The following VPS4B variants were observed in gnomAD, a reference collection of about 807,000 sequenced individuals.
VPS4B encodes the protein vacuolar protein sorting 4 homolog B, also known as vacuolar protein sorting-associated protein 4B.
VPS4B carries 23 observed loss-of-function variants against 56.1 expected under a neutral mutation model. The ratio of observed to expected loss-of-function variants is 0.41; its 90% CI spans 0.30 to 0.58. The LOEUF (loss-of-function observed/expected upper bound fraction) is 0.58, where lower values mean the gene tolerates loss of function less well. VPS4B is among the 20% of genes least tolerant of loss of function. VPS4B has a pLI of 0.29. For missense variants in VPS4B, 372 were observed against 531.9 expected, an observed-to-expected ratio of 0.70 and a Z score of 2.96; for synonymous variants, 177 against 186.0, an observed-to-expected ratio of 0.95 and a Z score of 0.39.
At chr18:63,405,879 A>C (rs1450315038) in intron 4 of VPS4B, among the ~76,000 whole-genome samples, 2 of 152,010 alleles carry the variant, frequency 1.3e-5, no homozygotes, top group Non-Finnish European at 2.9e-5. Flanking sequence ...CCAGCTACTC[A>C]GGAGGCTGAG....
chr18:63,392,287 T>G (rs940456292), intron 10 of VPS4B, among the ~76,000 whole-genome samples: 10 of 152,230 alleles, frequency 6.6e-5, no homozygotes, highest in African/African-American at 2.2e-4. Flanking sequence ...AAAGTAAGTC[T>G]TGTAGATTAT....
intron 9 of VPS4B, among the ~76,000 whole-genome samples, chr18:63,394,068 T>G (rs1467848928): frequency 6.6e-6 from 1 of 152,128 alleles, no homozygotes; most frequent in African/African-American, 2.4e-5. Flanking sequence ...GCTTTCTATA[T>G]TTTGAAATTT....
chr18:63,410,678 G>C (rs920960657), intron 2 of VPS4B, among the ~76,000 whole-genome samples: 3 of 151,950 alleles, frequency 2.0e-5, no homozygotes, highest in Admixed American at 6.6e-5. Flanking sequence ...AAGACAGCAG[G>C]GTATATTAAG....
chr18:63,392,443 T>C (rs1176518333), intron 10 of VPS4B, among the ~76,000 whole-genome samples: 3 of 152,176 alleles, frequency 2.0e-5, no homozygotes, highest in African/African-American at 7.2e-5. Flanking sequence ...TTTCTGGTTT[T>C]TGTTTTTGTT....
At chr18:63,398,204 C>CACACATATATATATATATATATATAT (rs1298374245) in intron 8 of VPS4B, among the ~76,000 whole-genome samples, 4 of 112,440 alleles carry the variant, frequency 3.6e-5, no homozygotes, top group African/African-American at 1.3e-4. Context: ...CACACACACA[C>CACACATATATATATATATATATATAT]ATATATATAT....
At position 63,389,925 on chromosome 18, in the gene VPS4B, A is replaced by G. The variant is rs533705079; in HGVS notation, c.*1050T>C. On this transcript the variant is annotated 3_prime_UTR_variant, in exon 11 of 11. Coordinates refer to ENST00000238497, the MANE Select transcript of VPS4B (RefSeq NM_004869.4). Reference sequence around the variant, plus strand: ...ACCTGTTTTGGTCAATCTTGCTAAAAAAGACACTGAAATAGACAATTTTCT... The same window carrying G: ...ACCTGTTTTGGTCAATCTTGCTAAAGAAGACACTGAAATAGACAATTTTCT... 2.0e-5 allele frequency: 3 copies of G among 152,818 alleles called. No homozygotes were observed. The South Asian group carries it at 6.2e-4, about 32-fold the overall frequency. The allele number at this position is 152,818 out of a possible 1,614,324, so 9.5% of individuals were successfully genotyped here.
At position 63,416,124 on chromosome 18, in the gene VPS4B, C is replaced by T. The variant is rs137913862; in HGVS notation, c.28-4546G>A. The T allele has an allele frequency of 2.3e-3, 380 of 163,442 alleles. 2 individuals are homozygous for T. Among genetic ancestry groups the T allele is most frequent in the African/African-American group, 8.1e-3 (339 of 41,992 alleles). The allele number at this position is 163,442 out of a possible 1,614,324, so 10.1% of individuals were successfully genotyped here. A position where few individuals can be genotyped will look rare whatever the true frequency, so the allele number is the denominator to read the frequency against. On this transcript the variant is annotated intron_variant, in intron 1 of 10. Transcript: ENST00000238497. ...GCAGTGTGTCGCTATCATTTCTTAG[C>T]GCCCCCCTGGCAATTGGGTCTCATG...
intron 10 of VPS4B, among the ~76,000 whole-genome samples, chr18:63,392,851 C>T (rs946960302): frequency 1.3e-5 from 2 of 151,784 alleles, no homozygotes; most frequent in South Asian, 2.1e-4. Flanking sequence ...CCCTGGTTCA[C>T]GTGATTCTCC....
Position 63,390,105 on chromosome 18 carries a change from A to T in VPS4B, c.*870T>A, listed in dbSNP as rs544319475. The T allele has an allele frequency of 6.6e-6, 1 of 152,486 alleles. No homozygotes were observed. The highest frequency in any genetic ancestry group is 2.1e-4 in the South Asian group (1 of 4,828). The allele number at this position is 152,486 out of a possible 1,614,324, so 9.4% of individuals were successfully genotyped here. Reference sequence around the variant, plus strand: ...GCCCAGGCTGGAGTGCAATGGCGCTATCTCGGCGCCCAGGCTGGAATGCAG... The same window carrying T: ...GCCCAGGCTGGAGTGCAATGGCGCTTTCTCGGCGCCCAGGCTGGAATGCAG... On this transcript the variant is annotated 3_prime_UTR_variant, in exon 11 of 11. Coordinates refer to ENST00000238497, the MANE Select transcript of VPS4B (RefSeq NM_004869.4).
At chr18:63,408,376 T>C (rs1052125255) in intron 3 of VPS4B, among the ~76,000 whole-genome samples, 4 of 152,080 alleles carry the variant, frequency 2.6e-5, no homozygotes, top group African/African-American at 7.2e-5. Context: ...GTGGGTGAGG[T>C]AGACACTGCA....
At chr18:63,403,657 A>G (rs368468230) in intron 5 of VPS4B, 50 bp downstream of exon 5, 84 of 1,547,816 alleles carry the variant, frequency 5.4e-5, no homozygotes, top group African/African-American at 8.2e-5. Flanking sequence ...CTCAGTCATC[A>G]ATGAACTTTT....
chr18:63,403,568 A>AT, intron 5 of VPS4B, 139 bp downstream of exon 5: 3 of 944,214 alleles, frequency 3.2e-6, no homozygotes, highest in Non-Finnish European at 4.5e-6. Context: ...AACATCTTGT[A>AT]TAAAGATATA....
At position 63,401,123 on chromosome 18, in the gene VPS4B, AAG is replaced by A. The variant is rs1915798542; in HGVS notation, c.485-422_485-421del. Among the ~76,000 whole-genome samples, 5 of 152,220 alleles carry A rather than the reference AAG, an allele frequency of 3.3e-5. No homozygotes were observed. In the South Asian group the frequency reaches 1.0e-3, roughly 31 times the overall value. ...ATATCCATAAAAAATGGGCAGCTGGAAGAGATTTTCTTTGAATATTTATGCTC... is the reference window on the plus strand; with the variant it reads ...ATATCCATAAAAAATGGGCAGCTGGAAGATTTTCTTTGAATATTTATGCTC... On this transcript the variant is annotated intron_variant, in intron 5 of 10. Coordinates refer to ENST00000238497, the MANE Select transcript of VPS4B (RefSeq NM_004869.4).
intron 9 of VPS4B, among the ~76,000 whole-genome samples, chr18:63,395,142 C>T (rs1224045473): frequency 3.3e-5 from 5 of 152,204 alleles, no homozygotes; most frequent in Non-Finnish European, 7.3e-5. Context: ...TCACCTTCAT[C>T]CCACTAACAA....
At chr18:63,410,501 T>C (rs1916016353) in intron 2 of VPS4B, 55 bp from the exon 3 acceptor site, 3 of 1,578,070 alleles carry the variant, frequency 1.9e-6, no homozygotes, top group Non-Finnish European at 2.6e-6. Flanking sequence ...TGTAGAAAGG[T>C]TTGAACTCTT....
At chr18:63,392,776 A>T (rs1599354263) in intron 10 of VPS4B, among the ~76,000 whole-genome samples, 2 of 144,940 alleles carry the variant, frequency 1.4e-5, no homozygotes, top group African/African-American at 5.2e-5. Context: ...TTGGAGACAG[A>T]GTCTCGCTCT....
At chr18:63,407,299 T>C (rs1285843177) in intron 4 of VPS4B, 133 bp downstream of exon 4, 1 of 756,770 alleles carries the variant, frequency 1.3e-6, no homozygotes, top group Non-Finnish European at 2.1e-6. Context: ...AGCCAGCACA[T>C]GACTATTGGG....
rs1329256522 is a variant in VPS4B at position 63,389,598 on chromosome 18, G to A, written c.*1377C>T. On this transcript the variant is annotated 3_prime_UTR_variant, in exon 11 of 11. Transcript: ENST00000238497. ...AAACACATCCTCAGATTATTTATTT[G>A]AAAATATTAAAATAGCATCGTTTAT... 2.2e-5 allele frequency: 3 copies of A among 134,982 alleles called. No homozygotes were observed. The Admixed American group carries it at 2.2e-4, about 10-fold the overall frequency. 8.4% of individuals were successfully genotyped at this position (134,982 alleles called of 1,614,324 possible). A position where few individuals can be genotyped will look rare whatever the true frequency, so the allele number is the denominator to read the frequency against.
chr18:63,411,505 T>TA lies in VPS4B; in HGVS notation c.100dup (p.Tyr34LeufsTer13). ...AAGAAAATACTGCACAGCATGCTGA[T>TA]AGAGCTGAAGGGCTTCTTCGTAGTT... On this transcript the variant is annotated frameshift_variant, in exon 2 of 11. Transcript: ENST00000238497. LOFTEE classifies it high-confidence loss of function. 1 of 1,602,894 alleles carries TA rather than the reference T, an allele frequency of 6.2e-7. No individual in the cohort carries two copies. The highest frequency in any genetic ancestry group is 8.5e-7 in the Non-Finnish European group (1 of 1,174,108).
Sources: gnomAD v4.1 joint callset for allele counts (sites outside exome capture counted in the v4.1 genomes callset) on GRCh38, gnomAD v4.1.1 for gene constraint, MANE v1.5 for transcripts, NCBI Gene and HGNC (gene_info 2026-07-23, HGNC 2026-07-21) for gene names.